Variants in EXT1 observed in about 807,000 individuals in gnomAD.
The protein encoded by EXT1 is exostosin glycosyltransferase 1.
EXT1 carries 20 observed loss-of-function variants against 82.5 expected under a neutral mutation model. The observed-to-expected ratio is 0.24, with a 90% CI of 0.17 to 0.35. EXT1 has a LOEUF of 0.35. Ranked by LOEUF, EXT1 falls within the 10% of genes least tolerant of loss-of-function variation. The pLI is 1.00. For missense variants in EXT1, 757 were observed against 936.5 expected, an observed-to-expected ratio of 0.81 and a Z score of 2.50; for synonymous variants, 348 against 350.8, an observed-to-expected ratio of 0.99 and a Z score of 0.09.
chr8:117,830,181 T>C (rs1812074895), intron 4 of EXT1, 49 bp downstream of exon 4: 1 of 1,612,088 alleles, frequency 6.2e-7, no homozygotes, highest in African/African-American at 1.3e-5. Flanking sequence ...CTGAGAGAAG[T>C]GTATAAAGGA....
chr8:117,833,169 T>G (rs539584019), intron 3 of EXT1, among the ~76,000 whole-genome samples: 4 of 152,130 alleles, frequency 2.6e-5, no homozygotes, highest in Admixed American at 6.6e-5. Context: ...CTGCTCAATA[T>G]GGAGGCAGCT....
At position 117,893,845 on chromosome 8, in the gene EXT1, C is replaced by T. The variant is rs569440253; in HGVS notation, c.963-56644G>A. On this transcript the variant is annotated intron_variant, in intron 1 of 10. Coordinates refer to ENST00000378204, the MANE Select transcript of EXT1 (RefSeq NM_000127.3). ...TCCATCCTTGCCAGACCCGTTATCA[C>T]CTAGTTTTAGCAAAAATCTTGTTAC... Among the ~76,000 whole-genome samples the T allele has an allele frequency of 2.6e-5, 4 of 152,300 alleles. No individual in the cohort carries two copies. In the South Asian group the frequency reaches 8.3e-4, roughly 32 times the overall value.
In EXT1 at chr8:117,887,063, T is replaced by C. The variant is rs181461259; in HGVS notation, c.963-49862A>G. On this transcript the variant is annotated intron_variant, in intron 1 of 10. Transcript: ENST00000378204. The stretch of plus-strand genomic sequence containing the variant: ...CATAGTAGGCATGCCATTGACGATA[T>C]AGCCTCTGTTTAACAGTTCAACCAA... 1.8e-4 allele frequency among the ~76,000 whole-genome samples: 27 copies of C among 152,312 alleles called. 1 individual carries two copies. The highest frequency in any genetic ancestry group is 3.4e-3 in the Middle Eastern group (1 of 294).
chr8:117,846,480 G>A (rs1292918909), intron 1 of EXT1, among the ~76,000 whole-genome samples: 1 of 152,156 alleles, frequency 6.6e-6, no homozygotes, highest in Non-Finnish European at 1.5e-5. Flanking sequence ...CAAGACACAT[G>A]GGCCTAAATT....
At chr8:117,838,405 G>A (rs10094527) in intron 1 of EXT1, among the ~76,000 whole-genome samples, 1 of 151,908 alleles carries the variant, frequency 6.6e-6, no homozygotes, top group Non-Finnish European at 1.5e-5. Context: ...CTAGGCATAC[G>A]GGAGTAAGCC....
chr8:117,814,019 GAGAAGA>G (rs772534308), intron 7 of EXT1, among the ~76,000 whole-genome samples: 1 of 149,294 alleles, frequency 6.7e-6, no homozygotes, highest in South Asian at 2.1e-4. Context: ...AACAAAAAAA[GAGAAGA>G]AGAAGAAGAA....
At chr8:117,947,875 C>T (rs80154325) in intron 1 of EXT1, among the ~76,000 whole-genome samples, 1,564 of 152,284 alleles carry the variant, frequency 0.01, 27 homozygotes, top group African/African-American at 0.033. Context: ...CAGGCATTAT[C>T]TTAGCTTCAC....
chr8:117,929,407 A>C (rs746359079), intron 1 of EXT1, among the ~76,000 whole-genome samples: 12 of 152,228 alleles, frequency 7.9e-5, no homozygotes, highest in South Asian at 2.1e-4. Context: ...CTGCTCTTCA[A>C]TGTGAAAGAC....
chr8:117,900,801 A>G (rs2129966441), intron 1 of EXT1, among the ~76,000 whole-genome samples: 2 of 152,322 alleles, frequency 1.3e-5, no homozygotes, highest in Admixed American at 1.3e-4. Flanking sequence ...CTAAGGGTAA[A>G]AAAAGGCTGA....
chr8:117,848,629 G>A (rs1367609719), intron 1 of EXT1, among the ~76,000 whole-genome samples: 1 of 152,138 alleles, frequency 6.6e-6, no homozygotes, highest in Non-Finnish European at 1.5e-5. Context: ...GTAGCACTCT[G>A]AGCACTGGGA....
intron 10 of EXT1, 41 bp downstream of exon 10, chr8:117,804,681 C>T (rs767805487): frequency 3.1e-6 from 5 of 1,611,398 alleles, no homozygotes; most frequent in Admixed American, 3.3e-5. Flanking sequence ...GGCTGAACCA[C>T]CAGTGAGTGA....
At chr8:118,057,474 G>A (rs1287327681) in intron 1 of EXT1, among the ~76,000 whole-genome samples, 1 of 151,952 alleles carries the variant, frequency 6.6e-6, no homozygotes, top group South Asian at 2.1e-4. Flanking sequence ...CAGGAGGGAG[G>A]CAAAGGTTGC....
chr8:117,892,266 G>A (rs1266653410), intron 1 of EXT1, among the ~76,000 whole-genome samples: 4 of 152,216 alleles, frequency 2.6e-5, no homozygotes, highest in Non-Finnish European at 5.9e-5. Context: ...TGATGCTTAA[G>A]GACTTGTCAG....
chr8:118,013,168 G>C (rs1274376969), intron 1 of EXT1, among the ~76,000 whole-genome samples: 1 of 151,760 alleles, frequency 6.6e-6, no homozygotes, highest in Non-Finnish European at 1.5e-5. Context: ...CTAGTAGCTG[G>C]GATTACAAGC....
At chr8:117,984,933 T>A (rs962710377) in intron 1 of EXT1, among the ~76,000 whole-genome samples, 8 of 152,154 alleles carry the variant, frequency 5.3e-5, no homozygotes, top group Non-Finnish European at 8.8e-5. Flanking sequence ...ACCAGACTTG[T>A]AACACAGTCA....
intron 1 of EXT1, among the ~76,000 whole-genome samples, chr8:118,084,929 T>C (rs1436587697): frequency 1.3e-5 from 2 of 152,222 alleles, no homozygotes; most frequent in Non-Finnish European, 2.9e-5. Context: ...AAGTACTTAA[T>C]AGATGACAGA....
intron 1 of EXT1, among the ~76,000 whole-genome samples, chr8:117,980,797 G>A (rs772229952): frequency 2.0e-5 from 3 of 150,786 alleles, no homozygotes; most frequent in Non-Finnish European, 2.9e-5. Flanking sequence ...AGCAGCTGGA[G>A]GGCAGAGGCT....
At chr8:118,095,417 C>G (rs556619040) in intron 1 of EXT1, among the ~76,000 whole-genome samples, 4 of 152,298 alleles carry the variant, frequency 2.6e-5, no homozygotes, top group South Asian at 4.1e-4. Flanking sequence ...CATTTCCACT[C>G]TGAATCAATA....
intron 1 of EXT1, among the ~76,000 whole-genome samples, chr8:118,089,852 G>T (rs1817490812): frequency 6.6e-6 from 1 of 152,218 alleles, no homozygotes; most frequent in Non-Finnish European, 1.5e-5. Context: ...GCATGAGTAT[G>T]TCTGCCTGTG....
Sources: allele counts gnomAD v4.1 joint callset (sites outside exome capture counted in the v4.1 genomes callset), GRCh38; gene constraint gnomAD v4.1.1; transcripts MANE v1.5; gene names NCBI Gene and HGNC (gene_info 2026-07-23, HGNC 2026-07-21).